The following CHRM3 variants were observed in gnomAD, a reference collection of about 807,000 sequenced individuals.
CHRM3 encodes the protein muscarinic acetylcholine receptor M3.
CHRM3 carries 11 observed loss-of-function variants against 41.8 expected under a neutral mutation model. The ratio of observed to expected loss-of-function variants is 0.26; its 90% CI spans 0.17 to 0.44. The LOEUF is 0.44. CHRM3 is among the 20% of genes least tolerant of loss of function. The pLI, the probability that CHRM3 is intolerant of heterozygous loss-of-function variation, is 1.00. For missense variants in CHRM3, 571 were observed against 745.4 expected, an observed-to-expected ratio of 0.77 and a Z score of 2.72; for synonymous variants, 297 against 301.4, an observed-to-expected ratio of 0.99 and a Z score of 0.15.
chr1:239,866,469 C>T (rs756735579), intron 6 of CHRM3, among the ~76,000 whole-genome samples: 7 of 151,956 alleles, frequency 4.6e-5, no homozygotes, highest in African/African-American at 7.3e-5. Context: ...TCACCAGACA[C>T]ACAGCTGTAG....
chr1:239,801,981 G>A (rs142107659), intron 5 of CHRM3, among the ~76,000 whole-genome samples: 1 of 152,302 alleles, frequency 6.6e-6, no homozygotes, highest in African/African-American at 2.4e-5. Flanking sequence ...AGCAGCTTCA[G>A]GATTAGCGAC....
rs543667951 is a variant in CHRM3 at position 239,399,711 on chromosome 1, G to A, written c.-521+12484G>A. 4.3e-4 allele frequency among the ~76,000 whole-genome samples: 44 copies of A among 102,960 alleles called. No individual in the cohort carries two copies. In the South Asian group the frequency reaches 4.4e-3, roughly 10 times the overall value. The allele number at this position is 102,960 out of a possible 152,430, so 67.5% of individuals were successfully genotyped here. On this transcript the variant is annotated intron_variant, in intron 1 of 6. Transcript: ENST00000676153. The stretch of plus-strand genomic sequence containing the variant: ...TTTAAGCGTGAATGGTATCTATTGT[G>A]TATATATACCACATTTTCTTTCTCC...
intron 2 of CHRM3, among the ~76,000 whole-genome samples, chr1:239,532,005 C>T (rs150987881): frequency 0.024 from 2,350 of 98,454 alleles, 70 homozygotes; most frequent in African/African-American, 0.082. Context: ...TCTTTTCCTT[C>T]TTTCTTTTTT....
intron 4 of CHRM3, among the ~76,000 whole-genome samples, chr1:239,661,838 G>A (rs1375666340): frequency 6.6e-6 from 1 of 152,024 alleles, no homozygotes; most frequent in Non-Finnish European, 1.5e-5. Context: ...ATCAATATTG[G>A]TTCACTTGTT....
intron 2 of CHRM3, among the ~76,000 whole-genome samples, chr1:239,532,201 C>T (rs1321161033): frequency 2.0e-5 from 3 of 146,886 alleles, no homozygotes; most frequent in Admixed American, 2.0e-4. Context: ...GTAGTAGAGA[C>T]AGGGTTTCAC....
intron 5 of CHRM3, among the ~76,000 whole-genome samples, chr1:239,786,719 C>G (rs562375419): frequency 3.8e-5 from 4 of 104,712 alleles, no homozygotes; most frequent in African/African-American, 1.7e-4. Flanking sequence ...CCTTCCACAG[C>G]GAGGCATGCT....
chr1:239,593,857 GT>G (rs1258965756), intron 3 of CHRM3, among the ~76,000 whole-genome samples: 1 of 152,134 alleles, frequency 6.6e-6, no homozygotes, highest in Non-Finnish European at 1.5e-5. Flanking sequence ...CTTTAGAATA[GT>G]AATTAAACCC....
At chr1:239,532,577 G>C (rs1400960285) in intron 2 of CHRM3, among the ~76,000 whole-genome samples, 2 of 149,372 alleles carry the variant, frequency 1.3e-5, no homozygotes, top group Non-Finnish European at 3.0e-5. Context: ...GTGAGTCGAG[G>C]TCACGCCACT....
chr1:239,540,143 G>T (rs1658617308), intron 2 of CHRM3, among the ~76,000 whole-genome samples: 1 of 152,166 alleles, frequency 6.6e-6, no homozygotes, highest in African/African-American at 2.4e-5. Flanking sequence ...ACCTAATGAT[G>T]CCTTTCTCAG....
intron 5 of CHRM3, among the ~76,000 whole-genome samples, chr1:239,794,502 G>A (rs1370047795): frequency 6.6e-6 from 1 of 150,798 alleles, no homozygotes; most frequent in Non-Finnish European, 1.5e-5. Flanking sequence ...CAAGATTTCA[G>A]CCATTAGAGC....
At chr1:239,616,791 T>C (rs949679636) in intron 3 of CHRM3, among the ~76,000 whole-genome samples, 5 of 149,674 alleles carry the variant, frequency 3.3e-5, no homozygotes, top group Admixed American at 2.7e-4. Flanking sequence ...CATGGCTACA[T>C]TTCAAAATGT....
intron 4 of CHRM3, among the ~76,000 whole-genome samples, chr1:239,640,784 T>C (rs1386412021): frequency 1.3e-5 from 2 of 150,466 alleles, no homozygotes; most frequent in Admixed American, 6.7e-5. Flanking sequence ...GCTCTGATTT[T>C]AGTTATTTCT....
At chr1:239,670,324 G>C (rs528223625) in intron 4 of CHRM3, among the ~76,000 whole-genome samples, 3 of 151,838 alleles carry the variant, frequency 2.0e-5, no homozygotes, top group Middle Eastern at 3.4e-3. Flanking sequence ...CTTTTTTCTA[G>C]AGCTTTATAA....
chr1:239,479,190 C>CCACA (rs56202845), intron 1 of CHRM3, among the ~76,000 whole-genome samples: 43,989 of 139,616 alleles, frequency 0.32, 6,957 homozygotes, highest in East Asian at 0.4. Context: ...TTTCAAAAAA[C>CCACA]CACACACACA....
chr1:239,696,959 C>T (rs16838728), intron 5 of CHRM3, among the ~76,000 whole-genome samples: 4,210 of 152,284 alleles, frequency 0.028, 216 homozygotes, highest in African/African-American at 0.096. Flanking sequence ...GGTTTTTTAT[C>T]ACCAAAGCTT....
At chr1:239,450,148 C>G (rs147622717) in intron 1 of CHRM3, among the ~76,000 whole-genome samples, 12 of 152,270 alleles carry the variant, frequency 7.9e-5, no homozygotes, top group African/African-American at 2.4e-4. Context: ...TTCAAACATT[C>G]CTTCTGAAGT....
At chr1:239,439,513 T>G (rs1663538058) in intron 1 of CHRM3, among the ~76,000 whole-genome samples, 1 of 151,866 alleles carries the variant, frequency 6.6e-6, no homozygotes, top group Non-Finnish European at 1.5e-5. Flanking sequence ...ATAAGAACAA[T>G]GAGAGGAGAA....
At chr1:239,392,046 C>T (rs534625260) in intron 1 of CHRM3, among the ~76,000 whole-genome samples, 175 of 152,292 alleles carry the variant, frequency 1.1e-3, no homozygotes, top group Middle Eastern at 6.8e-3. Context: ...TCAATTTGCA[C>T]TTTCAGTACT....
chr1:239,663,948 A>C (rs143768890), intron 4 of CHRM3, among the ~76,000 whole-genome samples: 1 of 152,194 alleles, frequency 6.6e-6, no homozygotes, highest in Non-Finnish European at 1.5e-5. Flanking sequence ...ATATCAAAAC[A>C]ATTTTCTAAA....
Sources: gnomAD v4.1 joint callset for allele counts (sites outside exome capture counted in the v4.1 genomes callset) on GRCh38, gnomAD v4.1.1 for gene constraint, MANE v1.5 for transcripts, NCBI Gene and HGNC (gene_info 2026-07-23, HGNC 2026-07-21) for gene names.